DMBT1: variants seen among roughly 807,000 people sequenced by gnomAD.
The protein encoded by DMBT1 is scavenger receptor cysteine-rich domain-containing protein DMBT1.
Under a neutral mutation model 252.9 loss-of-function variants are expected in DMBT1, and 198 were observed. The observed-to-expected ratio is 0.78, with a 90% CI of 0.70 to 0.88. The LOEUF (loss-of-function observed/expected upper bound fraction) is 0.88. Among genes scored for constraint, DMBT1 ranks in the 40% least tolerant of loss-of-function variants. DMBT1 has a pLI of 0.00. For synonymous variants in DMBT1, 990 were observed against 942.7 expected, an observed-to-expected ratio of 1.05 and a Z score of -0.92; for missense variants, 2,432 against 2,404.7, an observed-to-expected ratio of 1.01 and a Z score of -0.24.
chr10:122,576,048 C>T (rs1960177), intron 6 of DMBT1, among the ~76,000 whole-genome samples: 104,493 of 152,080 alleles, frequency 0.69, 36,115 homozygotes, highest in East Asian at 0.78. Context: ...TTGATGTTAT[C>T]GTGCTGCTCT....
At chr10:122,620,981 C>T in intron 43 of DMBT1, 76 bp from the exon 44 acceptor site, 1 of 1,593,612 alleles carries the variant, frequency 6.3e-7, no homozygotes, top group Non-Finnish European at 8.5e-7. Context: ...TTAGGAAGTG[C>T]CCTGAGTGTG....
In DMBT1 at chr10:122,579,669, CGT is replaced by C; in HGVS notation, c.777_778del (p.Cys259Ter). The C allele has an allele frequency of 6.2e-7, 1 of 1,613,804 alleles. No individual in the cohort carries two copies. Among genetic ancestry groups the C allele is most frequent in the South Asian group, 1.1e-5 (1 of 91,076 alleles). ...TCCTATACCGAGGCTCCTGGGGCAC[CGT>C]GTGTGATGACTACTGGGACACCAAT... is the stretch of plus-strand genomic sequence containing the variant. Reference protein sequence around the residue: ...EVLYRGSWGTVCDDYWDTNDA... With the variant: ...EVLYRGSWGTXCDDYWDTNDA... On this transcript the variant is annotated frameshift_variant, in exon 10 of 56. Coordinates refer to ENST00000338354, the MANE Select transcript of DMBT1 (RefSeq NM_001377530.1). LOFTEE classifies it high-confidence loss of function.
At chr10:122,631,560 A>G (rs907049295) in intron 49 of DMBT1, among the ~76,000 whole-genome samples, 1 of 152,178 alleles carries the variant, frequency 6.6e-6, no homozygotes, top group African/African-American at 2.4e-5. Context: ...CGGGGTGGCT[A>G]TGATAGTACT....
Position 122,576,646 on chromosome 10 carries a change from C to T in DMBT1, c.531C>T (p.Tyr177=), listed in dbSNP as rs1282759692. The change falls in exon 7 of 56, where the codon TAC becomes TAT. Residue 177 remains tyrosine, a synonymous_variant. Coordinates refer to ENST00000338354, the MANE Select transcript of DMBT1 (RefSeq NM_001377530.1). The part of the protein sequence containing the change: ...DDVRCSGHES[Y]LWSCPHNGWL... Reference sequence around the variant, plus strand: ...TGCGCTGCTCAGGACACGAATCCTACCTGTGGAGCTGCCCCCACAATGGCT... The same window carrying T: ...TGCGCTGCTCAGGACACGAATCCTATCTGTGGAGCTGCCCCCACAATGGCT... 4.3e-6 allele frequency: 7 copies of T among 1,613,808 alleles called. No homozygotes were observed. Among genetic ancestry groups the T allele is most frequent in the Non-Finnish European group, 5.1e-6 (6 of 1,179,738 alleles).
In DMBT1 at chr10:122,620,372, C is replaced by G. The variant is rs569602955; in HGVS notation, c.5284+81C>G. On this transcript the variant is annotated intron_variant, in intron 43 of 55. Coordinates refer to ENST00000338354, the MANE Select transcript of DMBT1 (RefSeq NM_001377530.1). ...TTCTTTTGAAAATGAAAGAATGAGG[C>G]TCAAGCTGGCGCCTCTGTTTTTCAT... The G allele has an allele frequency of 2.6e-6, 4 of 1,517,364 alleles. No homozygotes were observed. In the African/African-American group the frequency reaches 4.1e-5, roughly 16 times the overall value. 94.0% of individuals were successfully genotyped at this position (1,517,364 alleles called of 1,614,324 possible). A position where few individuals can be genotyped will look rare whatever the true frequency, so the allele number is the denominator to read the frequency against.
chr10:122,617,810 A>T (rs184742170), intron 40 of DMBT1, among the ~76,000 whole-genome samples: 12 of 151,512 alleles, frequency 7.9e-5, no homozygotes, highest in Admixed American at 1.3e-4. Flanking sequence ...GCTTCCCCAA[A>T]ATCTGAGCCT....
At chr10:122,567,680 G>A (rs1049149101) in intron 2 of DMBT1, among the ~76,000 whole-genome samples, 1 of 152,150 alleles carries the variant, frequency 6.6e-6, no homozygotes, top group Non-Finnish European at 1.5e-5. Context: ...CATCAATACA[G>A]CTTACCCCAG....
chr10:122,643,573 G>A lies in DMBT1; in HGVS notation c.*175G>A, dbSNP rs1455840609. 4 of 939,310 alleles carry A rather than the reference G, an allele frequency of 4.3e-6. No homozygotes were observed. The East Asian group carries it at 1.1e-4, about 25-fold the overall frequency. 58.2% of individuals were successfully genotyped at this position (939,310 alleles called of 1,614,324 possible). On this transcript the variant is annotated 3_prime_UTR_variant, in exon 56 of 56. Coordinates refer to ENST00000338354, the MANE Select transcript of DMBT1 (RefSeq NM_001377530.1). Reference sequence around the variant, plus strand: ...GCCTCCCCCAAGGCTCATGGTCCTTGGAGGACCCGTTGCAGGGTGAGGTCA... The same window carrying A: ...GCCTCCCCCAAGGCTCATGGTCCTTAGAGGACCCGTTGCAGGGTGAGGTCA...
intron 18 of DMBT1, 120 bp from the exon 19 acceptor site, chr10:122,591,359 A>G (rs2097847774): frequency 8.5e-7 from 1 of 1,170,528 alleles, no homozygotes; most frequent in African/African-American, 1.4e-5. Context: ...ATGGGGAGCA[A>G]GTGGCAGGAA....
At position 122,598,995 on chromosome 10, in the gene DMBT1, G is replaced by A. The variant is rs749361568; in HGVS notation, c.3178G>A (p.Val1060Met). 12 of 1,613,620 alleles carry A rather than the reference G, an allele frequency of 7.4e-6. No homozygotes were observed. Among genetic ancestry groups the A allele is most frequent in the African/African-American group, 1.3e-5 (1 of 74,904 alleles). Reference protein sequence around the residue: ...QGSGPIVLDDVRCSGHESYLW... With the variant: ...QGSGPIVLDDMRCSGHESYLW... ...CTCAGGACCCATTGTCCTGGATGATGTGCGCTGCTCAGGACACGAGTCTTA... is the reference window on the plus strand; with the variant it reads ...CTCAGGACCCATTGTCCTGGATGATATGCGCTGCTCAGGACACGAGTCTTA... The change falls in exon 26 of 56, where the codon GTG (valine) becomes ATG (methionine). Residue 1060 changes from valine to methionine, a missense_variant. This residue lies in a region of DMBT1 where 1,264 missense variants were observed against 1,082.2 expected (regional missense o/e 1.17). Coordinates refer to ENST00000338354, the MANE Select transcript of DMBT1 (RefSeq NM_001377530.1).
chr10:122,584,641 C>A (rs12763975), intron 14 of DMBT1, among the ~76,000 whole-genome samples: 51 of 148,106 alleles, frequency 3.4e-4, no homozygotes, highest in East Asian at 6.2e-4. Context: ...TAGCTTTGAC[C>A]CTTTTCTATT....
Position 122,577,845 on chromosome 10 carries a change from G to C in DMBT1, c.637+5G>C. 6.2e-7 allele frequency: 1 copy of C among 1,613,502 alleles called. No homozygotes were observed. The highest frequency in any genetic ancestry group is 8.5e-7 in the Non-Finnish European group (1 of 1,179,662). ...CTCAGTCAACACTCAGGCCAGGTGAGTCCCCAGAATCCTTCCTCGGGATAC... is the reference window on the plus strand; with the variant it reads ...CTCAGTCAACACTCAGGCCAGGTGACTCCCCAGAATCCTTCCTCGGGATAC... On this transcript the variant is annotated splice_donor_5th_base_variant and intron_variant, in intron 8 of 55. Coordinates refer to ENST00000338354, the MANE Select transcript of DMBT1 (RefSeq NM_001377530.1).
chr10:122,619,430 G>A (rs571964176), intron 42 of DMBT1, 93 bp downstream of exon 42: 34 of 1,520,074 alleles, frequency 2.2e-5, no homozygotes, highest in East Asian at 1.1e-4. Context: ...TTTTCTGTGC[G>A]GATACTGTGG....
intron 2 of DMBT1, among the ~76,000 whole-genome samples, chr10:122,567,826 C>T (rs888343120): frequency 6.6e-6 from 1 of 152,182 alleles, no homozygotes; most frequent in African/African-American, 2.4e-5. Context: ...TCGAGGCTTG[C>T]TCTTGGACTT....
rs756250408 is a variant in DMBT1, at chr10:122,579,767, G to T, written c.869G>T (p.Gly290Val). 1.2e-6 allele frequency: 2 copies of T among 1,613,684 alleles called. No homozygotes were observed. The highest frequency in any genetic ancestry group is 1.3e-5 in the African/African-American group (1 of 74,926). The change falls in exon 10 of 56, where the codon GGC (glycine) becomes GTC (valine). Residue 290 changes from glycine (G) to valine (V), a missense_variant. Coordinates refer to ENST00000338354, the MANE Select transcript of DMBT1 (RefSeq NM_001377530.1). ...TCAGCCCCAGGAAATGCCCAGTTTG[G>T]CCAGGGCTCAGGACCCATTGTCCTG... ...AMSAPGNAQF[G>V]QGSGPIVLDD... is the part of the protein sequence containing the mutation.
In DMBT1 at chr10:122,598,844, A is replaced by G; in HGVS notation, c.3027A>G (p.Leu1009=). The G allele has an allele frequency of 6.2e-7, 1 of 1,613,740 alleles. No homozygotes were observed. Among genetic ancestry groups the G allele is most frequent in the Non-Finnish European group, 8.5e-7 (1 of 1,179,760 alleles). The change falls in exon 26 of 56, where the codon CTA becomes CTG. Residue 1009 remains leucine, a synonymous_variant. Coordinates refer to ENST00000338354, the MANE Select transcript of DMBT1 (RefSeq NM_001377530.1). The part of the protein sequence containing the change: ...GDRCQGRVEV[L]YQGSWGTVCD... ...GGTGTCAGGGCCGAGTGGAGGTCCT[A>G]TACCAAGGCTCCTGGGGCACCGTGT...
At chr10:122,634,015 T>C (rs1160776439) in intron 52 of DMBT1, among the ~76,000 whole-genome samples, 1 of 152,110 alleles carries the variant, frequency 6.6e-6, no homozygotes, top group East Asian at 1.9e-4. Context: ...CCTGCACCTG[T>C]AGTCCCAGCT....
intron 15 of DMBT1, 125 bp downstream of exon 15, chr10:122,585,434 G>T: frequency 7.9e-7 from 1 of 1,269,526 alleles, no homozygotes; most frequent in South Asian, 1.5e-5. Context: ...TGGGTTGCAT[G>T]GGAGGAAGGT....
intron 7 of DMBT1, among the ~76,000 whole-genome samples, chr10:122,577,392 C>T (rs1041690149): frequency 1.5e-4 from 23 of 152,160 alleles, no homozygotes; most frequent in Non-Finnish European, 2.8e-4. Context: ...ATGGTGGGCT[C>T]ACGAGTGAGC....
Sources: gnomAD v4.1 joint callset for allele counts (sites outside exome capture counted in the v4.1 genomes callset) on GRCh38, gnomAD v4.1.1 for gene constraint, gnomAD v4.1.1 regional missense constraint, MANE v1.5 for transcripts, NCBI Gene and HGNC (gene_info 2026-07-23, HGNC 2026-07-21) for gene names.